The following SYTL3 variants were observed in gnomAD, a reference collection of about 807,000 sequenced individuals.
The protein encoded by SYTL3 is synaptotagmin like 3.
A neutral mutation model predicts 82.1 loss-of-function variants in SYTL3; 88 were observed. The ratio of observed to expected loss-of-function variants is 1.07; its 90% CI spans 0.90 to 1.28. The LOEUF is 1.28. Ranked by LOEUF, SYTL3 falls within the 50% of genes most tolerant of loss-of-function variation. The pLI is 0.00. For missense variants in SYTL3, 831 were observed against 757.6 expected (o/e 1.10, Z -1.14); for synonymous variants, 311 against 289.4 (o/e 1.07, Z -0.76).
At chr6:158,762,300 A>G (rs1388200164) in intron 16 of SYTL3, 122 bp downstream of exon 16, 7 of 693,950 alleles carry the variant, frequency 1.0e-5, no homozygotes, top group Non-Finnish European at 9.5e-6. Flanking sequence ...TAGCTTTCCT[A>G]TGAAAATCTA....
intron 6 of SYTL3, among the ~76,000 whole-genome samples, chr6:158,695,603 A>G (rs1009961345): frequency 6.6e-6 from 1 of 152,222 alleles, no homozygotes; most frequent in Non-Finnish European, 1.5e-5. Flanking sequence ...GGCATTAAGT[A>G]TATTTGCATT....
At chr6:158,696,939 A>G (rs987266342) in intron 6 of SYTL3, among the ~76,000 whole-genome samples, 10 of 151,964 alleles carry the variant, frequency 6.6e-5, no homozygotes, top group African/African-American at 2.4e-4. Context: ...TAGTTTTTTC[A>G]ACAAATGGCA....
intron 8 of SYTL3, among the ~76,000 whole-genome samples, chr6:158,713,107 T>C (rs1782944760): frequency 6.6e-6 from 1 of 152,182 alleles, no homozygotes; most frequent in Non-Finnish European, 1.5e-5. Flanking sequence ...AAAATCCTGC[T>C]CTACTTTCTC....
upstream of SYTL3, among the ~76,000 whole-genome samples, chr6:158,649,763 G>A (rs1787768401): frequency 1.3e-5 from 2 of 152,246 alleles, no homozygotes; most frequent in South Asian, 2.1e-4. Flanking sequence ...TTTGAAGGCT[G>A]TAGTCTCTGT....
chr6:158,720,764 C>T (rs2128473487), intron 10 of SYTL3, among the ~76,000 whole-genome samples: 1 of 152,306 alleles, frequency 6.6e-6, no homozygotes, highest in East Asian at 1.9e-4. Flanking sequence ...GTTCCTGTCC[C>T]TACTAAAGAC....
At chr6:158,755,606 T>C (rs906203138) in intron 13 of SYTL3, among the ~76,000 whole-genome samples, 1 of 152,246 alleles carries the variant, frequency 6.6e-6, no homozygotes, top group African/African-American at 2.4e-5. Flanking sequence ...GCCTCCCCTC[T>C]GTTTGCAGAG....
Position 158,708,303 on chromosome 6 carries a change from C to T in SYTL3, c.447-19C>T. 1 of 1,607,212 alleles carries T rather than the reference C, an allele frequency of 6.2e-7. No homozygotes were observed. The highest frequency in any genetic ancestry group is 8.5e-7 in the Non-Finnish European group (1 of 1,173,736). ...CATGGTTCACAACCCATTTCTTATG[C>T]CTGTGTTTTCCTTGGCAGCAAAATT... On this transcript the variant is annotated intron_variant, in intron 7 of 17. Transcript: ENST00000611299.
At chr6:158,735,478 A>G (rs924832629) in intron 11 of SYTL3, among the ~76,000 whole-genome samples, 1 of 152,196 alleles carries the variant, frequency 6.6e-6, no homozygotes, top group Non-Finnish European at 1.5e-5. Flanking sequence ...CTATGCATTG[A>G]ATCGTAACCT....
intron 11 of SYTL3, among the ~76,000 whole-genome samples, chr6:158,740,811 T>C (rs1352636078): frequency 6.6e-6 from 1 of 152,188 alleles, no homozygotes; most frequent in East Asian, 1.9e-4. Flanking sequence ...CTCAAACACA[T>C]CTTTATTAAT....
At chr6:158,751,802 C>T in intron 12 of SYTL3, 126 bp from the exon 13 acceptor site, 1 of 679,502 alleles carries the variant, frequency 1.5e-6, no homozygotes, top group Non-Finnish European at 2.4e-6. Context: ...TTTCTATCAA[C>T]CCAAAAATTC....
intron 11 of SYTL3, among the ~76,000 whole-genome samples, chr6:158,728,022 A>T (rs1784945420): frequency 6.6e-6 from 1 of 152,132 alleles, no homozygotes; most frequent in Non-Finnish European, 1.5e-5. Context: ...TTTCTTTTTT[A>T]CATCTTATGA....
At position 158,752,041 on chromosome 6, in the gene SYTL3, G is replaced by T. The variant is rs200018036; in HGVS notation, c.1137+11G>T. The T allele has an allele frequency of 1.3e-6, 2 of 1,582,496 alleles. No homozygotes were observed. The highest frequency in any genetic ancestry group is 2.3e-5 in the East Asian group (1 of 43,504). Reference sequence around the variant, plus strand: ...CAGGAGACCTTGAAGGTACTTGCTGGACAGATATTCCTGTGCAGAGTCCTC... The same window carrying T: ...CAGGAGACCTTGAAGGTACTTGCTGTACAGATATTCCTGTGCAGAGTCCTC... On this transcript the variant is annotated intron_variant, in intron 13 of 17. Coordinates refer to ENST00000611299, the MANE Select transcript of SYTL3 (RefSeq NM_001242394.2).
At chr6:158,713,984 C>T in intron 9 of SYTL3, 106 bp downstream of exon 9, 4 of 777,992 alleles carry the variant, frequency 5.1e-6, no homozygotes, top group Non-Finnish European at 8.9e-6. Flanking sequence ...CCTCAGGCCA[C>T]TCACTTTGTC....
At chr6:158,757,134 G>A (rs1053740446) in intron 13 of SYTL3, 77 bp from the exon 14 acceptor site, 59 of 1,437,950 alleles carry the variant, frequency 4.1e-5, no homozygotes, top group Non-Finnish European at 4.5e-5. Context: ...GGCCCTGGAA[G>A]GTGGGGTCCA....
At chr6:158,664,919 A>G (rs1789841790) in intron 4 of SYTL3, among the ~76,000 whole-genome samples, 1 of 151,760 alleles carries the variant, frequency 6.6e-6, no homozygotes. Flanking sequence ...AAAAAAATGT[A>G]GCAAAAGCAT....
At chr6:158,679,391 G>A (rs775914409) in intron 5 of SYTL3, among the ~76,000 whole-genome samples, 1 of 151,798 alleles carries the variant, frequency 6.6e-6, no homozygotes, top group African/African-American at 2.4e-5. Flanking sequence ...AAAAGTCTTG[G>A]GATTAGTGCA....
intron 2 of SYTL3, among the ~76,000 whole-genome samples, chr6:158,655,649 C>T (rs1245475289): frequency 1.3e-5 from 2 of 152,162 alleles, no homozygotes; most frequent in Non-Finnish European, 2.9e-5. Flanking sequence ...GACTGTCAGC[C>T]GGCATTAGCT....
chr6:158,660,774 A>G (rs1288211105), intron 2 of SYTL3, among the ~76,000 whole-genome samples: 1 of 152,160 alleles, frequency 6.6e-6, no homozygotes, highest in Non-Finnish European at 1.5e-5. Flanking sequence ...TCTTCACTAA[A>G]AACACTCGAG....
chr6:158,722,762 G>GTTTT lies in SYTL3; in HGVS notation c.721-2718_721-2715dup, dbSNP rs34189391. On this transcript the variant is annotated intron_variant, in intron 10 of 17. Transcript: ENST00000611299. ...AGGAAAAAGATTTTCTCTCTTTTCT[G>GTTTT]TTTTTTTTTTTTTTTTTTTTTTTTT... Among the ~76,000 whole-genome samples the GTTTT allele has an allele frequency of 4.7e-3, 383 of 80,876 alleles. 28 individuals are homozygous for GTTTT. Among genetic ancestry groups the GTTTT allele is most frequent in the African/African-American group, 0.015 (278 of 18,484 alleles). 53.1% of individuals were successfully genotyped at this position (80,876 alleles called of 152,430 possible).
Sources: allele counts gnomAD v4.1 joint callset (sites outside exome capture counted in the v4.1 genomes callset), GRCh38; gene constraint gnomAD v4.1.1; transcripts MANE v1.5; gene names NCBI Gene and HGNC (gene_info 2026-07-23, HGNC 2026-07-21).